Variants in RHOJ observed in about 807,000 individuals in gnomAD.
RHOJ encodes ras homolog family member J.
A neutral mutation model predicts 23.4 loss-of-function variants in RHOJ; 11 were observed. The ratio of observed to expected loss-of-function variants is 0.47; its 90% CI spans 0.30 to 0.78. The LOEUF is 0.78. RHOJ is among the 30% of genes least tolerant of loss of function. The probability of loss-of-function intolerance (pLI) is 0.08; values close to 1 mark genes in which losing one functional copy is unlikely to be tolerated. For missense variants in RHOJ, 254 were observed against 273.4 expected (o/e 0.93, Z 0.50); for synonymous variants, 102 against 102.7 (o/e 0.99, Z 0.04).
At chr14:63,270,481 A>T (rs866546489) in intron 2 of RHOJ, among the ~76,000 whole-genome samples, 4 of 152,206 alleles carry the variant, frequency 2.6e-5, no homozygotes, top group Admixed American at 6.5e-5. Context: ...ATAGCAAGAC[A>T]TACGACTAAG....
chr14:63,268,698 C>A (rs369357809), intron 1 of RHOJ, among the ~76,000 whole-genome samples: 9 of 152,204 alleles, frequency 5.9e-5, no homozygotes, highest in Middle Eastern at 3.4e-3. Context: ...AGAGAGATTT[C>A]TAATAGACAA....
intron 1 of RHOJ, among the ~76,000 whole-genome samples, chr14:63,245,120 A>G (rs778861855): frequency 2.0e-4 from 31 of 152,228 alleles, no homozygotes; most frequent in Non-Finnish European, 4.4e-4. Context: ...TCAATCATAT[A>G]TTTGGAAATA....
chr14:63,240,449 A>G (rs1894863991), intron 1 of RHOJ, among the ~76,000 whole-genome samples: 1 of 152,242 alleles, frequency 6.6e-6, no homozygotes, highest in Non-Finnish European at 1.5e-5. Flanking sequence ...GCTGTAGCAC[A>G]GTATAACAAA....
At chr14:63,267,860 A>C (rs1394933601) in intron 1 of RHOJ, among the ~76,000 whole-genome samples, 3 of 152,232 alleles carry the variant, frequency 2.0e-5, no homozygotes, top group Non-Finnish European at 4.4e-5. Flanking sequence ...CGTTGATCTG[A>C]GTAGATTATA....
chr14:63,257,236 C>CAAAAAA (rs11463617), intron 1 of RHOJ, among the ~76,000 whole-genome samples: 2 of 49,098 alleles, frequency 4.1e-5, no homozygotes, highest in Non-Finnish European at 4.0e-5. Context: ...AGACTGTCTC[C>CAAAAAA]AAAAAAAAAA....
intron 1 of RHOJ, among the ~76,000 whole-genome samples, chr14:63,268,702 T>C (rs184177807): frequency 9.0e-4 from 137 of 152,308 alleles, no homozygotes; most frequent in Non-Finnish European, 1.6e-3. Context: ...AGATTTCTAA[T>C]AGACAAGCTA....
intron 1 of RHOJ, among the ~76,000 whole-genome samples, chr14:63,227,578 C>T (rs188545290): frequency 1.3e-5 from 2 of 152,062 alleles, no homozygotes; most frequent in Non-Finnish European, 2.9e-5. Context: ...GGAACAATAC[C>T]CTATGAGTCA....
chr14:63,288,235 G>A (rs1260197382), intron 4 of RHOJ: 53 of 985,254 alleles, frequency 5.4e-5, no homozygotes, highest in Non-Finnish European at 6.1e-5. Flanking sequence ...CCGCTCCATC[G>A]AAAGGCAAAG....
rs549426809 is a variant in RHOJ at position 63,250,212 on chromosome 14, A to G, written c.179-18898A>G. Among the ~76,000 whole-genome samples the G allele has an allele frequency of 4.6e-5, 7 of 152,100 alleles. No homozygotes were observed. The East Asian group carries it at 1.4e-3, about 29-fold the overall frequency. On this transcript the variant is annotated intron_variant, in intron 1 of 4. Coordinates refer to ENST00000316754, the MANE Select transcript of RHOJ (RefSeq NM_020663.5). ...TATCTGCTTACTCCCCTCATTCACT[A>G]CACTCCAGCCATATTGACCTTTCTT... is the stretch of plus-strand genomic sequence containing the variant.
intron 1 of RHOJ, among the ~76,000 whole-genome samples, chr14:63,227,962 G>C (rs1302810094): frequency 6.6e-6 from 1 of 152,146 alleles, no homozygotes; most frequent in Non-Finnish European, 1.5e-5. Context: ...TCGGTATAGG[G>C]TTTTGCTGCT....
At chr14:63,219,643 C>A in intron 1 of RHOJ, among the ~76,000 whole-genome samples, 1 of 152,020 alleles carries the variant, frequency 6.6e-6, no homozygotes, top group East Asian at 1.9e-4. Flanking sequence ...TGGTGAAACC[C>A]TGTCTCTACT....
At chr14:63,238,035 T>C (rs1894820017) in intron 1 of RHOJ, among the ~76,000 whole-genome samples, 2 of 152,184 alleles carry the variant, frequency 1.3e-5, no homozygotes, top group East Asian at 1.9e-4. Flanking sequence ...CTCTAATGAG[T>C]TCATCCCTTG....
chr14:63,216,183 T>C (rs1033933991), intron 1 of RHOJ, among the ~76,000 whole-genome samples: 1 of 152,228 alleles, frequency 6.6e-6, no homozygotes, highest in Non-Finnish European at 1.5e-5. Context: ...CTGAGTGATT[T>C]AGCTAGGCAT....
At chr14:63,211,537 G>A (rs1000172222) in intron 1 of RHOJ, among the ~76,000 whole-genome samples, 12 of 152,110 alleles carry the variant, frequency 7.9e-5, no homozygotes, top group Non-Finnish European at 1.5e-5. Flanking sequence ...TTTGATATAG[G>A]CATATAATGG....
intron 4 of RHOJ, among the ~76,000 whole-genome samples, chr14:63,290,305 G>C (rs1007547126): frequency 2.6e-4 from 39 of 152,246 alleles, no homozygotes; most frequent in African/African-American, 8.9e-4. Context: ...ACCTTGTTGA[G>C]GGATACCTTA....
intron 1 of RHOJ, among the ~76,000 whole-genome samples, chr14:63,264,377 C>G (rs991827220): frequency 6.6e-6 from 1 of 151,860 alleles, no homozygotes; most frequent in Non-Finnish European, 1.5e-5. Context: ...ACATAGTATT[C>G]CATGAGGTAT....
chr14:63,246,064 C>A lies in RHOJ; in HGVS notation c.179-23046C>A, dbSNP rs117623137. Among the ~76,000 whole-genome samples, 814 of 152,288 alleles carry A rather than the reference C, an allele frequency of 5.3e-3. 31 individuals are homozygous for A. The East Asian group carries it at 0.11, about 20-fold the overall frequency. On this transcript the variant is annotated intron_variant, in intron 1 of 4. Coordinates refer to ENST00000316754, the MANE Select transcript of RHOJ (RefSeq NM_020663.5). Reference sequence around the variant, plus strand: ...GGAGTCTCCTGATTCCCCTCCTCCACCCCAGCTGTCTCCTGGCAACAACCC... The same window carrying A: ...GGAGTCTCCTGATTCCCCTCCTCCAACCCAGCTGTCTCCTGGCAACAACCC...
At chr14:63,213,963 C>A (rs564223783) in intron 1 of RHOJ, among the ~76,000 whole-genome samples, 1 of 152,154 alleles carries the variant, frequency 6.6e-6, no homozygotes, top group Non-Finnish European at 1.5e-5. Flanking sequence ...GGAAGGCCAG[C>A]GATGTGCCCA....
chr14:63,217,230 C>G, intron 1 of RHOJ, among the ~76,000 whole-genome samples: 1 of 131,558 alleles, frequency 7.6e-6, no homozygotes, highest in East Asian at 2.3e-4. Context: ...AATGCTATCC[C>G]TCCCCGCTCC....
Sources: allele counts gnomAD v4.1 joint callset (sites outside exome capture counted in the v4.1 genomes callset), GRCh38; gene constraint gnomAD v4.1.1; transcripts MANE v1.5; gene names NCBI Gene and HGNC (gene_info 2026-07-23, HGNC 2026-07-21).